BRD7: variants seen among roughly 807,000 people sequenced by gnomAD.
BRD7 encodes the protein bromodomain containing 7, also known as bromodomain-containing protein 7.
A neutral mutation model predicts 82.1 loss-of-function variants in BRD7; 15 were observed. The observed-to-expected ratio is 0.18, with a 90% CI of 0.12 to 0.28. The LOEUF (loss-of-function observed/expected upper bound fraction) is 0.28. Among genes scored for constraint, BRD7 ranks in the 10% least tolerant of loss-of-function variants. The probability of loss-of-function intolerance (pLI) is 1.00; values close to 1 mark genes in which losing one functional copy is unlikely to be tolerated. For synonymous variants in BRD7, 232 were observed against 266.9 expected, an observed-to-expected ratio of 0.87 and a Z score of 1.27; for missense variants, 638 against 779.9, an observed-to-expected ratio of 0.82 and a Z score of 2.17.
intron 8 of BRD7, among the ~76,000 whole-genome samples, chr16:50,331,654 A>G (rs2037571377): frequency 6.6e-6 from 1 of 152,236 alleles, no homozygotes; most frequent in East Asian, 1.9e-4. Context: ...GTGAGCCAAG[A>G]TTGTGCCACT....
Position 50,334,765 on chromosome 16 carries a change from T to C in BRD7, c.833A>G (p.Asp278Gly). 1 of 1,613,896 alleles carries C rather than the reference T, an allele frequency of 6.2e-7. No homozygotes were observed. The highest frequency in any genetic ancestry group is 8.5e-7 in the Non-Finnish European group (1 of 1,179,882). The change falls in exon 7 of 17, where the codon GAC (aspartate) becomes GGC (glycine). Residue 278 changes from aspartate (D) to glycine (G), a missense_variant. Transcript: ENST00000394688. ...DGGCWQRERE[D>G]SGDAEAHAFK... is the part of the protein sequence containing the mutation. ...GGCGTGTGCTTCGGCATCTCCAGAG[T>C]CCTCTCTCTCTCTCTGCCAGCAGCC... is the stretch of plus-strand genomic sequence containing the variant.
In BRD7 at chr16:50,318,552, C is replaced by T. The variant is rs1223948527; in HGVS notation, c.*659G>A. ...TACTTAGAGTTCAACTCCTTGGGTACTTGACCTTTGTATTTCAGATAAACA... is the reference window on the plus strand; with the variant it reads ...TACTTAGAGTTCAACTCCTTGGGTATTTGACCTTTGTATTTCAGATAAACA... On this transcript the variant is annotated 3_prime_UTR_variant, in exon 17 of 17. Transcript: ENST00000394688. The T allele has an allele frequency of 6.6e-6, 1 of 152,176 alleles. No homozygotes were observed. The highest frequency in any genetic ancestry group is 1.5e-5 in the Non-Finnish European group (1 of 68,040). The allele number at this position is 152,176 out of a possible 1,614,324, so 9.4% of individuals were successfully genotyped here.
At chr16:50,319,847 C>T (rs767515453) in intron 16 of BRD7, 40 bp downstream of exon 16, 2 of 1,600,754 alleles carry the variant, frequency 1.2e-6, no homozygotes, top group South Asian at 1.1e-5. Flanking sequence ...ACTATAGTCA[C>T]CATAGCTTTC....
At chr16:50,366,046 G>A (rs965626967) in intron 2 of BRD7, among the ~76,000 whole-genome samples, 4 of 152,174 alleles carry the variant, frequency 2.6e-5, no homozygotes, top group African/African-American at 9.7e-5. Flanking sequence ...GAATCAGAAT[G>A]GCAACAGACT....
At chr16:50,341,807 C>A (rs1303213288) in intron 5 of BRD7, among the ~76,000 whole-genome samples, 1 of 151,480 alleles carries the variant, frequency 6.6e-6, no homozygotes, top group Non-Finnish European at 1.5e-5. Context: ...CTAATGAACA[C>A]AGGACTGATC....
chr16:50,356,710 AG>A (rs1202150999), intron 2 of BRD7, among the ~76,000 whole-genome samples: 1 of 121,906 alleles, frequency 8.2e-6, no homozygotes, highest in East Asian at 2.2e-4. Context: ...TTCTTTCCTT[AG>A]GGGAAAAAAA....
At chr16:50,368,364 TAAGGA>T in intron 1 of BRD7, 66 bp from the exon 2 acceptor site, 7 of 1,524,336 alleles carry the variant, frequency 4.6e-6, no homozygotes, top group Non-Finnish European at 6.2e-6. Flanking sequence ...CAGGGAGTGC[TAAGGA>T]TGCAGAGCGC....
chr16:50,341,831 T>C (rs2038068428), intron 5 of BRD7, among the ~76,000 whole-genome samples: 1 of 151,684 alleles, frequency 6.6e-6, no homozygotes, highest in African/African-American at 2.4e-5. Context: ...TAAGCCAATT[T>C]GTAGATTCCT....
chr16:50,347,438 G>T (rs1415989648), intron 5 of BRD7, among the ~76,000 whole-genome samples: 1 of 152,032 alleles, frequency 6.6e-6, no homozygotes, highest in Non-Finnish European at 1.5e-5. Context: ...AGAAATAAAG[G>T]GTATTCAATT....
intron 5 of BRD7, among the ~76,000 whole-genome samples, chr16:50,340,438 T>C (rs887275703): frequency 6.6e-6 from 1 of 152,256 alleles, no homozygotes; most frequent in Non-Finnish European, 1.5e-5. Flanking sequence ...GTAATGATTT[T>C]AGCTGAGTAG....
chr16:50,320,333 C>G lies in BRD7; in HGVS notation c.1671G>C (p.Gln557His), dbSNP rs750977076. 1 of 1,614,158 alleles carries G rather than the reference C, an allele frequency of 6.2e-7. No homozygotes were observed. Among genetic ancestry groups the G allele is most frequent in the South Asian group, 1.1e-5 (1 of 91,084 alleles). ...TGCTCAAACGTTCATTCTGGGCTTCCTGGAGTTCCCTGAGCAATCTGGTGG... is the reference window on the plus strand; with the variant it reads ...TGCTCAAACGTTCATTCTGGGCTTCGTGGAGTTCCCTGAGCAATCTGGTGG... ...DETTRLLREL[Q>H]EAQNERLSTR... Residue 557 changes from glutamine to histidine, a missense_variant, in exon 15 of 17, where the codon CAG (glutamine) becomes CAC (histidine). Around this residue, in one of 3 missense-constraint regions of BRD7, gnomAD observed 402 missense variants for 500.8 expected, o/e 0.80. Transcript: ENST00000394688.
chr16:50,342,189 A>G (rs1037560804), intron 5 of BRD7, among the ~76,000 whole-genome samples: 18 of 152,164 alleles, frequency 1.2e-4, no homozygotes, highest in African/African-American at 4.3e-4. Context: ...AAAACAAAAA[A>G]CAAAAAACTG....
chr16:50,320,481 CCTTCTCCCTTCA>C, intron 14 of BRD7, 90 bp from the exon 15 acceptor site: 1 of 1,535,934 alleles, frequency 6.5e-7, no homozygotes, highest in Non-Finnish European at 8.8e-7. Flanking sequence ...TATTGGTTAG[CCTTCTCCCTTCA>C]AAAGAGTAAT....
intron 8 of BRD7, among the ~76,000 whole-genome samples, chr16:50,329,161 G>C (rs933172710): frequency 6.6e-6 from 1 of 152,152 alleles, no homozygotes; most frequent in African/African-American, 2.4e-5. Flanking sequence ...TAATATTACA[G>C]GTGGCTAATC....
Position 50,364,989 on chromosome 16 carries a change from C to T in BRD7, c.258+3101G>A, listed in dbSNP as rs540529839. 5.9e-5 allele frequency among the ~76,000 whole-genome samples: 9 copies of T among 152,248 alleles called. No homozygotes were observed. In the South Asian group the frequency reaches 8.3e-4, roughly 14 times the overall value. On this transcript the variant is annotated intron_variant, in intron 2 of 16. Transcript: ENST00000394688. ...GTAAGAGACAAAGGTTGATAAGCCA[C>T]GTCAACACACTTGGGAGACGGAAGG...
At chr16:50,356,413 TAATA>T (rs1304695644) in intron 2 of BRD7, among the ~76,000 whole-genome samples, 15 of 152,182 alleles carry the variant, frequency 9.9e-5, no homozygotes, top group Non-Finnish European at 1.3e-4. Context: ...GAAAATAGAT[TAATA>T]AATTGTGTCA....
At chr16:50,336,419 T>G (rs2151161449) in intron 6 of BRD7, among the ~76,000 whole-genome samples, 1 of 152,322 alleles carries the variant, frequency 6.6e-6, no homozygotes, top group South Asian at 2.1e-4. Context: ...GTTTGAAAGT[T>G]TCTCTGAATC....
At chr16:50,323,192 T>C (rs2037191349) in intron 12 of BRD7, among the ~76,000 whole-genome samples, 1 of 152,246 alleles carries the variant, frequency 6.6e-6, no homozygotes, top group Non-Finnish European at 1.5e-5. Context: ...CTTTTTACTT[T>C]TTAACTTGAG....
At chr16:50,364,483 GAA>G (rs1004155931) in intron 2 of BRD7, among the ~76,000 whole-genome samples, 21 of 152,336 alleles carry the variant, frequency 1.4e-4, no homozygotes, top group African/African-American at 4.6e-4. Context: ...CAGAGGATCT[GAA>G]GTCTCTAGCC....
Sources: gnomAD v4.1 joint callset for allele counts (sites outside exome capture counted in the v4.1 genomes callset) on GRCh38, gnomAD v4.1.1 for gene constraint, gnomAD v4.1.1 regional missense constraint, MANE v1.5 for transcripts, NCBI Gene and HGNC (gene_info 2026-07-23, HGNC 2026-07-21) for gene names.